COL4A2: variants seen among roughly 807,000 people sequenced by gnomAD.
The protein encoded by COL4A2 is collagen alpha-2(IV) chain.
A neutral mutation model predicts 200.2 loss-of-function variants in COL4A2; 99 were observed. The ratio of observed to expected loss-of-function variants is 0.49; its 90% confidence interval spans 0.42 to 0.58. The LOEUF (loss-of-function observed/expected upper bound fraction) is 0.58, where lower values mean the gene tolerates loss of function less well. Ranked by LOEUF, COL4A2 falls within the 20% of genes least tolerant of loss-of-function variation. The probability of loss-of-function intolerance (pLI) is 0.00; values close to 1 mark genes in which losing one functional copy is unlikely to be tolerated. For synonymous variants in COL4A2, 897 were observed against 900.6 expected (o/e 1.00, Z 0.07); for missense variants, 1,950 against 2,314.1 (o/e 0.84, Z 3.23).
At chr13:110,364,374 C>T (rs1049075453) in intron 4 of COL4A2, among the ~76,000 whole-genome samples, 4 of 152,194 alleles carry the variant, frequency 2.6e-5, no homozygotes, top group African/African-American at 9.7e-5. Context: ...GAGCTCCAAA[C>T]TGGCCCATTA....
intron 3 of COL4A2, among the ~76,000 whole-genome samples, chr13:110,350,606 G>T (rs529254307): frequency 2.6e-5 from 4 of 152,176 alleles, no homozygotes; most frequent in Non-Finnish European, 5.9e-5. Context: ...TGCACCCAGG[G>T]TGATGGTTCA....
chr13:110,467,843 C>A (rs1882307865), intron 27 of COL4A2, among the ~76,000 whole-genome samples: 1 of 152,240 alleles, frequency 6.6e-6, no homozygotes, highest in African/African-American at 2.4e-5. Context: ...CTGAGAAAAG[C>A]AAGTTCTCTG....
At chr13:110,454,325 G>A (rs1881641131) in intron 20 of COL4A2, among the ~76,000 whole-genome samples, 1 of 152,180 alleles carries the variant, frequency 6.6e-6, no homozygotes, top group African/African-American at 2.4e-5. Flanking sequence ...CCCTCAGAGA[G>A]CCACTGTGTG....
At chr13:110,463,139 C>G (rs1431468005) in intron 24 of COL4A2, 1 of 154,406 alleles carries the variant, frequency 6.5e-6, no homozygotes, top group Non-Finnish European at 1.5e-5. Flanking sequence ...AAGCCGACAT[C>G]AAGGTGTCTG....
chr13:110,506,783 C>T (rs1353400104), intron 46 of COL4A2, among the ~76,000 whole-genome samples, 177 bp downstream of exon 46: 7 of 152,226 alleles, frequency 4.6e-5, no homozygotes, highest in Non-Finnish European at 8.8e-5. Context: ...AAGCAGAAGC[C>T]TTACAAAGCC....
intron 4 of COL4A2, among the ~76,000 whole-genome samples, chr13:110,369,113 AG>A (rs1317126591): frequency 4.6e-5 from 7 of 152,178 alleles, no homozygotes; most frequent in African/African-American, 1.7e-4. Flanking sequence ...TGAGAGGTTG[AG>A]GCAGGAGAAT....
intron 4 of COL4A2, among the ~76,000 whole-genome samples, chr13:110,388,137 C>T (rs1396106678): frequency 1.3e-5 from 2 of 152,216 alleles, no homozygotes; most frequent in African/African-American, 2.4e-5. Context: ...GTAAGCTTCA[C>T]GGGAACAGAA....
At chr13:110,437,573 T>G (rs1299451358) in intron 13 of COL4A2, among the ~76,000 whole-genome samples, 1 of 152,228 alleles carries the variant, frequency 6.6e-6, no homozygotes, top group Non-Finnish European at 1.5e-5. Flanking sequence ...CAACAGCCAC[T>G]TTTGCTTCAA....
Position 110,307,813 on chromosome 13 carries a change from C to A in COL4A2, c.-44-47C>A. On this transcript the variant is annotated intron_variant, in intron 1 of 47. Transcript: ENST00000360467. This position sits in a 1 kb window ranked among gnomAD's most constrained non-coding sequence, Gnocchi z 5.0. ...GACCGAGACCGGCGGTGAGGATGGG[C>A]TGCCTCCCTCATCCTGCGCTAAACT... The A allele has an allele frequency of 6.8e-7, 1 of 1,474,072 alleles. No homozygotes were observed. Among genetic ancestry groups the A allele is most frequent in the South Asian group, 1.3e-5 (1 of 75,216 alleles). 91.3% of individuals were successfully genotyped at this position (1,474,072 alleles called of 1,614,324 possible).
At chr13:110,484,870 C>A in intron 32 of COL4A2, 35 bp from the exon 33 acceptor site, 1 of 1,570,136 alleles carries the variant, frequency 6.4e-7, no homozygotes, top group Non-Finnish European at 8.7e-7. Flanking sequence ...TGGTCTGGAG[C>A]CCCCAGAAAA....
intron 4 of COL4A2, among the ~76,000 whole-genome samples, chr13:110,389,864 G>GC (rs1878922148): frequency 1.1e-4 from 1 of 9,334 alleles, no homozygotes; most frequent in African/African-American, 3.2e-4. Flanking sequence ...TCTTTCTAAA[G>GC]CAAAAAAAAA....
chr13:110,380,948 G>GT (rs1878456059), intron 4 of COL4A2, among the ~76,000 whole-genome samples: 1 of 148,082 alleles, frequency 6.8e-6, no homozygotes. Flanking sequence ...ACACCCATGG[G>GT]CTCTATCTCA....
chr13:110,486,530 G>A (rs566580020), intron 34 of COL4A2, among the ~76,000 whole-genome samples: 3 of 152,248 alleles, frequency 2.0e-5, no homozygotes, highest in African/African-American at 7.2e-5. Flanking sequence ...CCTAGCACAC[G>A]GCTGGCCTTC....
At chr13:110,376,699 G>A (rs1239813796) in intron 4 of COL4A2, among the ~76,000 whole-genome samples, 2 of 152,134 alleles carry the variant, frequency 1.3e-5, no homozygotes, top group Non-Finnish European at 2.9e-5. Context: ...GCCCAGGAGG[G>A]CCTGAAGTTC....
At chr13:110,445,795 A>C (rs762400539) in intron 16 of COL4A2, 34 bp from the exon 17 acceptor site, 4 of 1,613,808 alleles carry the variant, frequency 2.5e-6, no homozygotes, top group Non-Finnish European at 3.4e-6. Context: ...TATACATCAG[A>C]GACAAAAATT....
At chr13:110,457,002 C>T in intron 20 of COL4A2, 1 of 355,590 alleles carries the variant, frequency 2.8e-6, no homozygotes. Context: ...GCGTGGGACC[C>T]CAGGCGTCCG....
At chr13:110,447,656 C>A (rs1038558076) in intron 18 of COL4A2, among the ~76,000 whole-genome samples, 6 of 152,194 alleles carry the variant, frequency 3.9e-5, no homozygotes, top group African/African-American at 1.4e-4. Context: ...TCTGTGAGGA[C>A]AGACATTTCA....
rs767634207 is a variant in COL4A2, at chr13:110,480,207, C to T, written c.2588-13C>T. Reference sequence around the variant, plus strand: ...TTTGTCCACCCTGTTTGATTTGCTCCTCTTCCTGACAGGTCTGCCTGGTGA... The same window carrying T: ...TTTGTCCACCCTGTTTGATTTGCTCTTCTTCCTGACAGGTCTGCCTGGTGA... On this transcript the variant is annotated splice_polypyrimidine_tract_variant and intron_variant, in intron 30 of 47. Coordinates refer to ENST00000360467, the MANE Select transcript of COL4A2 (RefSeq NM_001846.4). 1 of 1,579,460 alleles carries T rather than the reference C, an allele frequency of 6.3e-7. No individual in the cohort carries two copies. The highest frequency in any genetic ancestry group is 1.2e-5 in the South Asian group (1 of 85,682).
At chr13:110,459,122 A>G in intron 22 of COL4A2, 188 bp downstream of exon 22, 1 of 528,136 alleles carries the variant, frequency 1.9e-6, no homozygotes, top group South Asian at 3.8e-5. Flanking sequence ...CACTGGTGAG[A>G]CTGAGAAGGG....
Sources: gnomAD v4.1 joint callset for allele counts (sites outside exome capture counted in the v4.1 genomes callset) on GRCh38, gnomAD v4.1.1 for gene constraint, Gnocchi (gnomAD v3.1) non-coding constraint, MANE v1.5 for transcripts, NCBI Gene and HGNC (gene_info 2026-07-23, HGNC 2026-07-21) for gene names.